The following MYH7B variants were observed in gnomAD, a reference collection of about 807,000 sequenced individuals.
The protein encoded by MYH7B is myosin-7B.
MYH7B carries 205 observed loss-of-function variants against 234.5 expected under a neutral mutation model. The ratio of observed to expected loss-of-function variants is 0.87; its 90% CI spans 0.78 to 0.98. The LOEUF (loss-of-function observed/expected upper bound fraction) is 0.98, where lower values mean the gene tolerates loss of function less well. Ranked by LOEUF, MYH7B falls within the 50% of genes least tolerant of loss-of-function variation. The probability of loss-of-function intolerance (pLI) is 0.00; values close to 1 mark genes in which losing one functional copy is unlikely to be tolerated. For missense variants in MYH7B, 2,652 were observed against 2,633.4 expected (o/e 1.01, Z -0.15); for synonymous variants, 1,193 against 1,105.0 (o/e 1.08, Z -1.58).
intron 13 of MYH7B, 94 bp from the exon 14 acceptor site, chr20:34,986,006 C>T (rs1424735003): frequency 3.6e-6 from 4 of 1,107,912 alleles, no homozygotes; most frequent in East Asian, 2.6e-5. Context: ...CCCCTGCACA[C>T]TCCCTGCCCA....
intron 2 of MYH7B, among the ~76,000 whole-genome samples, chr20:34,969,796 C>T (rs147089290): frequency 0.046 from 7,039 of 151,996 alleles, 552 homozygotes; most frequent in African/African-American, 0.16. Context: ...CTGCCTGCCT[C>T]GGCCTCCCAA....
chr20:34,997,312 A>G (rs1044357453), exon 32 of MYH7B: 5 of 1,552,530 alleles, frequency 3.2e-6, no homozygotes, highest in Non-Finnish European at 4.3e-6. Context: ...GCCCGCGTGG[A>G]GAAGCAGCGT....
intron 2 of MYH7B, among the ~76,000 whole-genome samples, chr20:34,958,613 G>A (rs1040237421): frequency 6.6e-6 from 1 of 151,908 alleles, no homozygotes; most frequent in Non-Finnish European, 1.5e-5. Flanking sequence ...TTACAGGCAC[G>A]TGCCACCATG....
intron 13 of MYH7B, among the ~76,000 whole-genome samples, chr20:34,985,637 A>T (rs1241891974): frequency 6.6e-6 from 1 of 152,050 alleles, no homozygotes; most frequent in African/African-American, 2.4e-5. Flanking sequence ...GGGGCCAGGG[A>T]CACAGAGGGG....
chr20:34,994,487 G>C, intron 27 of MYH7B, 86 bp downstream of exon 27: 1 of 1,429,370 alleles, frequency 7.0e-7, no homozygotes, highest in Non-Finnish European at 9.3e-7. Flanking sequence ...GAGACCCATG[G>C]GGCTCAGGCC....
intron 23 of MYH7B, 53 bp from the exon 24 acceptor site, chr20:34,990,951 G>C: frequency 6.4e-7 from 1 of 1,570,156 alleles, no homozygotes; most frequent in Non-Finnish European, 8.7e-7. Flanking sequence ...CTTTTTCTCT[G>C]GGGCCTGCGG....
At chr20:34,998,374 A>G (rs1405389577) in exon 33 of MYH7B, 1 of 1,613,390 alleles carries the variant, frequency 6.2e-7, no homozygotes, top group Non-Finnish European at 8.5e-7. Context: ...CTGCAGCGGC[A>G]GCTGGCGGAC....
At chr20:35,001,954 C>G (rs776807307) in exon 44 of MYH7B, 2 of 1,612,484 alleles carry the variant, frequency 1.2e-6, no homozygotes, top group Admixed American at 1.7e-5. Context: ...CCAGGAGCAG[C>G]AGGCCAACAC....
exon 32 of MYH7B, chr20:34,997,261 A>G: frequency 6.4e-7 from 1 of 1,558,688 alleles, no homozygotes; most frequent in East Asian, 2.4e-5. Flanking sequence ...GCTCGGGCGG[A>G]GGAGCTGGAA....
At chr20:34,959,618 C>T (rs886648781) in intron 2 of MYH7B, among the ~76,000 whole-genome samples, 4 of 151,976 alleles carry the variant, frequency 2.6e-5, no homozygotes, top group African/African-American at 7.3e-5. Context: ...GCTGGGATTA[C>T]AGGCACATGC....
intron 13 of MYH7B, 50 bp from the exon 14 acceptor site, chr20:34,986,050 C>T (rs939609555): frequency 6.7e-7 from 1 of 1,482,422 alleles, no homozygotes; most frequent in Non-Finnish European, 9.2e-7. Context: ...CTTGGGATGT[C>T]CACTCTGGGG....
chr20:34,957,008 C>G (rs1264645327), intron 1 of MYH7B, among the ~76,000 whole-genome samples: 2 of 152,220 alleles, frequency 1.3e-5, no homozygotes, highest in Non-Finnish European at 2.9e-5. Context: ...GAGCTGAGAT[C>G]ACGCTGCAGC....
intron 13 of MYH7B, 25 bp downstream of exon 13, chr20:34,985,154 G>A (rs2081998535): frequency 1.2e-6 from 2 of 1,611,886 alleles, no homozygotes; most frequent in South Asian, 1.1e-5. Flanking sequence ...TGCGGGCGGT[G>A]CAGGGGAAGG....
At chr20:34,966,429 A>G (rs1318389664) in intron 2 of MYH7B, among the ~76,000 whole-genome samples, 1 of 152,242 alleles carries the variant, frequency 6.6e-6, no homozygotes, top group Non-Finnish European at 1.5e-5. Context: ...TTTTGGAATG[A>G]CAGTTTTAGA....
chr20:34,994,141 C>A lies in MYH7B; in HGVS notation c.2445-5C>A, dbSNP rs780406883. On this transcript the variant is annotated splice_polypyrimidine_tract_variant and splice_region_variant and intron_variant, in intron 26 of 44. Transcript: ENST00000262873. ...CACCTTCACAGCTTGGCTGCCCCTC[C>A]CTAGGGATGCGCTGTTCACCATCCA... 1.2e-5 allele frequency: 20 copies of A among 1,609,776 alleles called. No individual in the cohort carries two copies. Among genetic ancestry groups the A allele is most frequent in the Non-Finnish European group, 1.6e-5 (19 of 1,177,192 alleles).
chr20:34,995,124 C>T (rs984076232), intron 27 of MYH7B, among the ~76,000 whole-genome samples: 3 of 152,246 alleles, frequency 2.0e-5, no homozygotes, highest in Non-Finnish European at 4.4e-5. Flanking sequence ...TGGGCCGCCC[C>T]GCACTTCTAA....
At chr20:34,984,670 G>A (rs1196051604) in intron 10 of MYH7B, 22 bp from the exon 11 acceptor site, 27 of 1,565,034 alleles carry the variant, frequency 1.7e-5, no homozygotes, top group Non-Finnish European at 2.0e-5. Flanking sequence ...GCCCTCTAAT[G>A]TTGTCTGTCT....
intron 7 of MYH7B, 31 bp from the exon 8 acceptor site, chr20:34,980,547 A>G (rs1331539038): frequency 6.3e-7 from 1 of 1,579,788 alleles, no homozygotes; most frequent in Non-Finnish European, 8.7e-7. Flanking sequence ...CAAAAACAAC[A>G]ACATAAACCC....
intron 10 of MYH7B, 30 bp downstream of exon 10, chr20:34,982,585 C>T (rs376862770): frequency 1.5e-5 from 23 of 1,487,704 alleles, no homozygotes; most frequent in South Asian, 1.0e-4. Flanking sequence ...GCATGCTCCC[C>T]GTTGCTTCTC....
Sources: allele counts gnomAD v4.1 joint callset (sites outside exome capture counted in the v4.1 genomes callset), GRCh38; gene constraint gnomAD v4.1.1; transcripts MANE v1.5; gene names NCBI Gene and HGNC (gene_info 2026-07-23, HGNC 2026-07-21).